The following AAK1 variants were observed in gnomAD, a reference collection of about 807,000 sequenced individuals.
AAK1 encodes AP2-associated protein kinase 1.
AAK1 carries 37 observed loss-of-function variants against 116.0 expected under a neutral mutation model. The observed-to-expected ratio is 0.32, with a 90% CI of 0.25 to 0.42. The LOEUF (loss-of-function observed/expected upper bound fraction) is 0.42. AAK1 is among the 10% of genes least tolerant of loss of function. The probability of loss-of-function intolerance (pLI) is 1.00; values close to 1 mark genes in which losing one functional copy is unlikely to be tolerated. For synonymous variants in AAK1, 458 were observed against 439.9 expected, an observed-to-expected ratio of 1.04 and a Z score of -0.51; for missense variants, 919 against 1,170.6, an observed-to-expected ratio of 0.79 and a Z score of 3.14.
chr2:69,513,460 T>C (rs933549256), intron 13 of AAK1, among the ~76,000 whole-genome samples: 7 of 152,146 alleles, frequency 4.6e-5, no homozygotes, highest in East Asian at 1.9e-4. Flanking sequence ...GCTGGGACTA[T>C]AGGTGCCTGC....
At chr2:69,558,385 G>C (rs1017016595) in intron 2 of AAK1, among the ~76,000 whole-genome samples, 29 of 151,608 alleles carry the variant, frequency 1.9e-4, no homozygotes, top group Admixed American at 1.9e-3. Flanking sequence ...ATTCTCAAGT[G>C]CTCTAAATTT....
At chr2:69,580,868 A>G (rs572171683) in intron 2 of AAK1, among the ~76,000 whole-genome samples, 2 of 152,254 alleles carry the variant, frequency 1.3e-5, no homozygotes, top group African/African-American at 4.8e-5. Flanking sequence ...TGCTTTTTCT[A>G]TATTCAGTCT....
intron 13 of AAK1, among the ~76,000 whole-genome samples, chr2:69,510,563 C>A (rs1469316633): frequency 6.6e-6 from 1 of 152,140 alleles, no homozygotes. Flanking sequence ...GAGTATACAC[C>A]CAGTAATGGG....
intron 2 of AAK1, among the ~76,000 whole-genome samples, chr2:69,572,646 A>G (rs1429161082): frequency 6.7e-6 from 1 of 149,406 alleles, no homozygotes; most frequent in Non-Finnish European, 1.5e-5. Flanking sequence ...AAAAAAAAGC[A>G]TACAAATATT....
intron 17 of AAK1, among the ~76,000 whole-genome samples, chr2:69,484,627 C>G (rs1482326105): frequency 6.6e-6 from 1 of 152,076 alleles, no homozygotes; most frequent in Non-Finnish European, 1.5e-5. Context: ...ATCCACATCT[C>G]TACTTAAAAT....
rs866955699 is a variant in AAK1 at position 69,489,844 on chromosome 2, T to C, written c.2365+6141A>G. On this transcript the variant is annotated intron_variant, in intron 17 of 21. Transcript: ENST00000409085. ...GTCAAACATCATGCCCCATTCCAAGTTCATTTTAGAGAATTAAATCTGCAG... is the reference window on the plus strand; with the variant it reads ...GTCAAACATCATGCCCCATTCCAAGCTCATTTTAGAGAATTAAATCTGCAG... 3.3e-5 allele frequency among the ~76,000 whole-genome samples: 5 copies of C among 152,300 alleles called. No homozygotes were observed. The South Asian group carries it at 6.2e-4, about 19-fold the overall frequency.
intron 11 of AAK1, 40 bp downstream of exon 11, chr2:69,520,794 A>C (rs1669744223): frequency 6.6e-7 from 1 of 1,514,610 alleles, no homozygotes; most frequent in Admixed American, 2.3e-5. Flanking sequence ...CCAGAATAAC[A>C]AAGAGGTGTA....
Position 69,467,514 on chromosome 2 carries a change from G to A in AAK1, c.*8355C>T, listed in dbSNP as rs1674528897. The stretch of plus-strand genomic sequence containing the variant: ...TGTAACTAAGCAAGAAGAATCCAGA[G>A]AAAGGGTGGTTGGGGGTAAAGGTAT... On this transcript the variant is annotated 3_prime_UTR_variant, in exon 22 of 22. Transcript: ENST00000409085. The A allele has an allele frequency of 2.0e-6, 2 of 985,426 alleles. No homozygotes were observed. The highest frequency in any genetic ancestry group is 1.7e-5 in the African/African-American group (1 of 57,358). The allele number at this position is 985,426 out of a possible 1,614,324, so 61.0% of individuals were successfully genotyped here. A position where few individuals can be genotyped will look rare whatever the true frequency, so the allele number is the denominator to read the frequency against.
chr2:69,634,535 G>A (rs1675364825), intron 2 of AAK1, among the ~76,000 whole-genome samples: 1 of 152,224 alleles, frequency 6.6e-6, no homozygotes. Context: ...GGCAAACAGA[G>A]AAGTAATGGA....
At chr2:69,523,746 C>T (rs567496189) in intron 10 of AAK1, among the ~76,000 whole-genome samples, 45 of 152,332 alleles carry the variant, frequency 3.0e-4, no homozygotes, top group African/African-American at 1.1e-3. Context: ...TGTGTGTTTG[C>T]CCTGGTGCCA....
intron 2 of AAK1, among the ~76,000 whole-genome samples, chr2:69,601,439 T>A (rs1673575861): frequency 6.6e-6 from 1 of 152,188 alleles, no homozygotes; most frequent in Non-Finnish European, 1.5e-5. Flanking sequence ...ATTGACAGCA[T>A]CTTAGAGGCA....
At chr2:69,502,252 G>T (rs1676005468) in intron 16 of AAK1, among the ~76,000 whole-genome samples, 1 of 152,032 alleles carries the variant, frequency 6.6e-6, no homozygotes, top group African/African-American at 2.4e-5. Context: ...GACATATGAA[G>T]AATGCTTACA....
chr2:69,599,379 T>TAAAAA (rs34685588), intron 2 of AAK1, among the ~76,000 whole-genome samples: 2 of 103,554 alleles, frequency 1.9e-5, no homozygotes, highest in African/African-American at 6.2e-5. Flanking sequence ...TAGTTCTGTG[T>TAAAAA]AAAAAAAAAA....
At chr2:69,502,804 C>T (rs1237376716) in intron 16 of AAK1, among the ~76,000 whole-genome samples, 4 of 152,062 alleles carry the variant, frequency 2.6e-5, no homozygotes, top group Admixed American at 6.5e-5. Flanking sequence ...AATATACATA[C>T]TTTTGATTTA....
rs1293725450 is a variant in AAK1, at chr2:69,505,716, T to TG, written c.2165-44dup. 2.0e-6 allele frequency: 3 copies of TG among 1,517,756 alleles called. No individual in the cohort carries two copies. The East Asian group carries it at 6.8e-5, about 35-fold the overall frequency. 94.0% of individuals were successfully genotyped at this position (1,517,756 alleles called of 1,614,324 possible). On this transcript the variant is annotated intron_variant, in intron 15 of 21. Coordinates refer to ENST00000409085, the MANE Select transcript of AAK1 (RefSeq NM_014911.5). ...CACTCAGTTCATTCTAGCAGAATCT[T>TG]GCGAGGCACACACACATGGCAGAGG...
chr2:69,535,861 G>T (rs1305355172), intron 5 of AAK1, among the ~76,000 whole-genome samples: 2 of 152,196 alleles, frequency 1.3e-5, no homozygotes, highest in African/African-American at 4.8e-5. Flanking sequence ...AGACAATGTG[G>T]AGCCATGGAG....
chr2:69,500,664 AATATATAT>A (rs34635707), intron 16 of AAK1, among the ~76,000 whole-genome samples: 972 of 60,874 alleles, frequency 0.016, 22 homozygotes, highest in African/African-American at 0.05. Context: ...AGTCCCTTAA[AATATATAT>A]ATATATATAT....
At chr2:69,585,056 A>G (rs569823137) in intron 2 of AAK1, among the ~76,000 whole-genome samples, 1 of 152,274 alleles carries the variant, frequency 6.6e-6, no homozygotes, top group African/African-American at 2.4e-5. Context: ...CCTCATCACA[A>G]TAAACCCAAA....
chr2:69,556,388 G>T (rs1671386321), intron 3 of AAK1, among the ~76,000 whole-genome samples: 1 of 152,162 alleles, frequency 6.6e-6, no homozygotes, highest in Non-Finnish European at 1.5e-5. Context: ...AAAAAAGGGG[G>T]AAAGCATTCC....
Sources: gnomAD v4.1 joint callset for allele counts (sites outside exome capture counted in the v4.1 genomes callset) on GRCh38, gnomAD v4.1.1 for gene constraint, MANE v1.5 for transcripts, NCBI Gene and HGNC (gene_info 2026-07-23, HGNC 2026-07-21) for gene names.